The following COPS7B variants were observed in gnomAD, a reference collection of about 807,000 sequenced individuals.
COPS7B encodes the protein COP9 signalosome subunit 7B, also known as COP9 signalosome complex subunit 7b.
In COPS7B, 9 loss-of-function variants were observed where a neutral mutation model predicts 33.4. The ratio of observed to expected loss-of-function variants is 0.27; its 90% CI spans 0.16 to 0.47. The LOEUF is 0.47. COPS7B is among the 20% of genes least tolerant of loss of function. The pLI, the probability that COPS7B is intolerant of heterozygous loss-of-function variation, is 0.99. For synonymous variants in COPS7B, 119 were observed against 126.3 expected (o/e 0.94, Z 0.39); for missense variants, 242 against 318.2 (o/e 0.76, Z 1.82).
chr2:231,802,916 G>C (rs866741382), intron 6 of COPS7B, among the ~76,000 whole-genome samples: 2 of 152,232 alleles, frequency 1.3e-5, no homozygotes, highest in African/African-American at 4.8e-5. Flanking sequence ...CAGTGTGAGG[G>C]CCATGGCCCT....
chr2:231,800,327 A>G (rs1220082551), intron 6 of COPS7B, among the ~76,000 whole-genome samples: 2 of 152,228 alleles, frequency 1.3e-5, no homozygotes, highest in Non-Finnish European at 2.9e-5. Context: ...TAAGCTGTGC[A>G]ACAACCCTCT....
At chr2:231,799,076 C>A in intron 6 of COPS7B, 112 bp downstream of exon 6, 1 of 901,792 alleles carries the variant, frequency 1.1e-6, no homozygotes, top group Non-Finnish European at 1.7e-6. Context: ...AAGCAGTCAC[C>A]AACAAGTGGG....
At chr2:231,783,304 G>GT (rs2049171791), upstream of COPS7B, among the ~76,000 whole-genome samples, 1 of 152,206 alleles carries the variant, frequency 6.6e-6, no homozygotes, top group Admixed American at 6.5e-5. Context: ...AATTGCTAGT[G>GT]TGTAGGGAGG....
At chr2:231,806,452 C>T (rs2106348817) in intron 6 of COPS7B, among the ~76,000 whole-genome samples, 1 of 150,786 alleles carries the variant, frequency 6.6e-6, no homozygotes, top group South Asian at 2.1e-4. Flanking sequence ...GCTCAGGAGG[C>T]TGAGGTGGGA....
At chr2:231,787,027 C>T (rs1259119380) in intron 1 of COPS7B, among the ~76,000 whole-genome samples, 2 of 152,144 alleles carry the variant, frequency 1.3e-5, no homozygotes, top group African/African-American at 4.8e-5. Context: ...CATTGGGACT[C>T]TTTGCAGAGA....
intron 3 of COPS7B, chr2:231,792,353 G>A (rs1005660134): frequency 3.5e-5 from 9 of 256,908 alleles, no homozygotes; most frequent in African/African-American, 9.2e-5. Flanking sequence ...TTAGCTCGGC[G>A]TGGTGGTGGG....
Position 231,798,921 on chromosome 2 carries a change from A to G in COPS7B, c.593A>G (p.Tyr198Cys), listed in dbSNP as rs781336239. 1.2e-5 allele frequency: 19 copies of G among 1,614,116 alleles called. No homozygotes were observed. The East Asian group carries it at 3.6e-4, about 30-fold the overall frequency. ...IEQQVLRANQ[Y>C]KENHNRTQQQ... is the part of the protein sequence containing the mutation. Reference sequence around the variant, plus strand: ...CAGCAAGTTCTGAGAGCCAACCAGTACAAAGAGAACCACAACCGAACTCAG... The same window carrying G: ...CAGCAAGTTCTGAGAGCCAACCAGTGCAAAGAGAACCACAACCGAACTCAG... The change falls in exon 6 of 7, where the codon TAC becomes TGC. Residue 198 changes from tyrosine (Y) to cysteine (C), a missense_variant. Physicochemically the swap from Tyr to Cys is radical, Grantham distance 194. Coordinates refer to ENST00000350033, the MANE Select transcript of COPS7B (RefSeq NM_022730.4).
intron 5 of COPS7B, among the ~76,000 whole-genome samples, chr2:231,798,561 A>G (rs1291408836): frequency 6.6e-6 from 1 of 152,132 alleles, no homozygotes; most frequent in Non-Finnish European, 1.5e-5. Flanking sequence ...GGCCTGTCCT[A>G]CCTTCTTTAA....
At chr2:231,788,506 C>T (rs767930790) in intron 1 of COPS7B, 49 bp from the exon 2 acceptor site, 1 of 1,570,468 alleles carries the variant, frequency 6.4e-7, no homozygotes, top group Non-Finnish European at 8.7e-7. Flanking sequence ...TAGGCACAGA[C>T]TTTGCAAAGG....
intron 6 of COPS7B, among the ~76,000 whole-genome samples, chr2:231,802,956 G>T (rs1055125900): frequency 1.3e-5 from 2 of 152,258 alleles, no homozygotes; most frequent in Non-Finnish European, 2.9e-5. Flanking sequence ...CTTTGTGGAG[G>T]ATAAAAGGCT....
At chr2:231,799,053 G>A (rs888434798) in intron 6 of COPS7B, 89 bp downstream of exon 6, 3 of 1,216,436 alleles carry the variant, frequency 2.5e-6, no homozygotes, top group Non-Finnish European at 3.5e-6. Context: ...GCGAATCTTG[G>A]TGTAGATGAA....
chr2:231,804,447 C>T (rs1033456146), intron 6 of COPS7B, among the ~76,000 whole-genome samples: 2 of 152,060 alleles, frequency 1.3e-5, no homozygotes, highest in African/African-American at 4.8e-5. Flanking sequence ...TGGGGTTTCA[C>T]CGCGTTAGCC....
chr2:231,781,769 C>A, upstream of COPS7B: 2 of 1,485,106 alleles, frequency 1.3e-6, no homozygotes, highest in South Asian at 1.2e-5. Context: ...TTGGTCGTTT[C>A]GGAATCCCGA....
intron 5 of COPS7B, among the ~76,000 whole-genome samples, chr2:231,796,642 C>T (rs765446405): frequency 2.6e-5 from 4 of 152,202 alleles, no homozygotes; most frequent in African/African-American, 9.7e-5. Context: ...TCCAAACTCA[C>T]GCTCAAAGTT....
intron 6 of COPS7B, among the ~76,000 whole-genome samples, chr2:231,802,896 T>TA (rs746184949): frequency 1.3e-5 from 2 of 152,226 alleles, no homozygotes; most frequent in Non-Finnish European, 2.9e-5. Context: ...AGTGTCTCTG[T>TA]AATGGATCCC....
In COPS7B at chr2:231,794,222, T is replaced by A. The variant is rs748965552; in HGVS notation, c.239-41T>A. 4 of 1,553,494 alleles carry A rather than the reference T, an allele frequency of 2.6e-6. No homozygotes were observed. The African/African-American group carries it at 5.4e-5, about 21-fold the overall frequency. On this transcript the variant is annotated intron_variant, in intron 3 of 6. Transcript: ENST00000350033. ...TATTCCATAAAAGAAATCCTAATTT[T>A]ATTTTGTGTCTTGATTTTTGTGGTG...
chr2:231,781,672 C>G (rs2049134169), upstream of COPS7B: 4 of 603,382 alleles, frequency 6.6e-6, no homozygotes, highest in Middle Eastern at 3.7e-4. Context: ...GACTACAAAT[C>G]CCAGCATCCC....
intron 4 of COPS7B, 103 bp from the exon 5 acceptor site, chr2:231,796,003 T>C: frequency 1.1e-6 from 1 of 893,368 alleles, no homozygotes; most frequent in Non-Finnish European, 1.8e-6. Flanking sequence ...CTAGCCTGCG[T>C]TTCCCGAGCC....
chr2:231,788,989 GA>G (rs1375681079), intron 2 of COPS7B: 14 of 361,348 alleles, frequency 3.9e-5, no homozygotes, highest in South Asian at 1.2e-4. Context: ...AATTGATCCT[GA>G]TAAATTAGAA....
Sources: allele counts gnomAD v4.1 joint callset (sites outside exome capture counted in the v4.1 genomes callset), GRCh38; gene constraint gnomAD v4.1.1; transcripts MANE v1.5; gene names NCBI Gene and HGNC (gene_info 2026-07-23, HGNC 2026-07-21).